Variants in MCF2L observed in about 807,000 individuals in gnomAD.
MCF2L encodes the protein guanine nucleotide exchange factor DBS.
Under a neutral mutation model 153.4 loss-of-function variants are expected in MCF2L, and 97 were observed. The ratio of observed to expected loss-of-function variants is 0.63; its 90% CI spans 0.54 to 0.75. The LOEUF is 0.75. Ranked by LOEUF, MCF2L falls within the 30% of genes least tolerant of loss-of-function variation. The pLI is 0.00. For missense variants in MCF2L, 1,347 were observed against 1,495.2 expected, an observed-to-expected ratio of 0.90 and a Z score of 1.64; for synonymous variants, 659 against 632.2, an observed-to-expected ratio of 1.04 and a Z score of -0.64.
At chr13:112,982,896 C>T (rs987150669) in intron 1 of MCF2L, among the ~76,000 whole-genome samples, 12 of 151,192 alleles carry the variant, frequency 7.9e-5, no homozygotes, top group Admixed American at 2.6e-4. Context: ...TGAGGGGCGC[C>T]GAGGTGTGGA....
chr13:113,004,300 C>A (rs927846898), intron 1 of MCF2L, among the ~76,000 whole-genome samples: 6 of 152,226 alleles, frequency 3.9e-5, no homozygotes, highest in Non-Finnish European at 7.3e-5. Flanking sequence ...TGTGCGGCCA[C>A]ACTTGGTGGT....
intron 1 of MCF2L, among the ~76,000 whole-genome samples, chr13:112,978,315 A>G (rs1436690168): frequency 1.3e-5 from 2 of 152,210 alleles, no homozygotes; most frequent in Non-Finnish European, 2.9e-5. Context: ...GCAAGCGTCC[A>G]GCTGCTTCAG....
rs1460056519 is a variant in MCF2L, at chr13:113,096,347, G to C, written c.3076-24G>C. The C allele has an allele frequency of 5.9e-6, 9 of 1,518,988 alleles. No individual in the cohort carries two copies. The Admixed American group carries it at 9.8e-5, about 16-fold the overall frequency. 94.1% of individuals were successfully genotyped at this position (1,518,988 alleles called of 1,614,324 possible). A position where few individuals can be genotyped will look rare whatever the true frequency, so the allele number is the denominator to read the frequency against. On this transcript the variant is annotated intron_variant, in intron 27 of 29. Coordinates refer to ENST00000535094, the MANE Select transcript of MCF2L (RefSeq NM_001112732.3). Reference sequence around the variant, plus strand: ...GCCGGGGCGGGTGCTGACGCTGTCTGTGCCCCTGCCCGTCTCCCACCAGGT... The same window carrying C: ...GCCGGGGCGGGTGCTGACGCTGTCTCTGCCCCTGCCCGTCTCCCACCAGGT...
chr13:113,064,470 T>G lies in MCF2L; in HGVS notation c.606+50T>G. The stretch of plus-strand genomic sequence containing the variant: ...GCTGGCTGATACCAGCTCGAGTACT[T>G]CCACAGAATCGCTCTTGCATTACAA... On this transcript the variant is annotated intron_variant, in intron 6 of 29. Transcript: ENST00000535094. The surrounding 1 kb of genome is among the most constrained non-coding windows in gnomAD (Gnocchi z 6.0). 8.7e-7 allele frequency: 1 copy of G among 1,153,454 alleles called. No homozygotes were observed. Among genetic ancestry groups the G allele is most frequent in the Non-Finnish European group, 1.3e-6 (1 of 769,568 alleles). The allele number at this position is 1,153,454 out of a possible 1,614,324, so 71.5% of individuals were successfully genotyped here.
At chr13:112,964,018 G>A (rs1266881311) in intron 2 of MCF2L, among the ~76,000 whole-genome samples, 1 of 152,040 alleles carries the variant, frequency 6.6e-6, no homozygotes, top group Non-Finnish European at 1.5e-5. Context: ...TGACACATTC[G>A]ATGTAACTGA....
Position 113,046,557 on chromosome 13 carries a change from C to T in MCF2L, c.369+1196C>T, listed in dbSNP as rs1393023025. The T allele has an allele frequency of 1.9e-6, 1 of 533,270 alleles. No homozygotes were observed. The highest frequency in any genetic ancestry group is 1.9e-5 in the African/African-American group (1 of 51,936). 33.0% of individuals were successfully genotyped at this position (533,270 alleles called of 1,614,324 possible). A position where few individuals can be genotyped will look rare whatever the true frequency, so the allele number is the denominator to read the frequency against. On this transcript the variant is annotated intron_variant, in intron 4 of 29. Coordinates refer to ENST00000535094, the MANE Select transcript of MCF2L (RefSeq NM_001112732.3). The surrounding 1 kb of genome is among the most constrained non-coding windows in gnomAD (Gnocchi z 4.4). ...TTGAGGTATACTGAAAAAAGTCATT[C>T]CTTTCCCCGCACATTGCCTCATTCC... is the stretch of plus-strand genomic sequence containing the variant.
chr13:113,007,433 G>A (rs1032414406), intron 1 of MCF2L, among the ~76,000 whole-genome samples: 9 of 152,216 alleles, frequency 5.9e-5, no homozygotes, highest in Non-Finnish European at 1.3e-4. Flanking sequence ...AGACCCCTGC[G>A]TTGTGGTTCT....
At chr13:113,067,201 C>G (rs2032511613) in intron 8 of MCF2L, among the ~76,000 whole-genome samples, 1 of 151,996 alleles carries the variant, frequency 6.6e-6, no homozygotes. Flanking sequence ...GCTGGAGTCC[C>G]AGCTACGCGG....
At chr13:112,999,304 G>A (rs1045680261) in intron 1 of MCF2L, among the ~76,000 whole-genome samples, 10 of 152,232 alleles carry the variant, frequency 6.6e-5, no homozygotes, top group Admixed American at 4.6e-4. Context: ...ACAAGACATC[G>A]GGGGCCAGGA....
chr13:112,916,542 C>T (rs2081294238), intron 2 of MCF2L, among the ~76,000 whole-genome samples: 1 of 152,184 alleles, frequency 6.6e-6, no homozygotes, highest in Admixed American at 6.5e-5. Context: ...ACGCCCTGAC[C>T]CCTCGGCTCC....
chr13:113,006,323 G>A (rs111887899), intron 1 of MCF2L, among the ~76,000 whole-genome samples: 33 of 152,334 alleles, frequency 2.2e-4, no homozygotes, highest in Admixed American at 4.6e-4. Flanking sequence ...TGAATTCCCC[G>A]TCTTTAAAAC....
chr13:113,002,866 C>A (rs555703589), intron 1 of MCF2L, among the ~76,000 whole-genome samples: 4 of 152,102 alleles, frequency 2.6e-5, no homozygotes, highest in Non-Finnish European at 5.9e-5. Flanking sequence ...TCTAAAGTTT[C>A]CAATTTTAAA....
At chr13:112,937,756 A>G (rs576240335) in intron 2 of MCF2L, among the ~76,000 whole-genome samples, 13 of 118,502 alleles carry the variant, frequency 1.1e-4, no homozygotes, top group African/African-American at 3.8e-4. Flanking sequence ...GTGCTGGTTC[A>G]GGTGAGCTCT....
rs1042447236 is a variant in MCF2L, at chr13:112,904,338, C to T, written c.169+1967C>T. ...ATGTCAGGGTCCACCGTGCACCAGC[C>T]GTGGAGCAGAGCCTGGGCCCACGCT... On this transcript the variant is annotated intron_variant, in intron 2 of 29. Coordinates refer to the MCF2L transcript ENST00000375608. This position sits in a 1 kb window ranked among gnomAD's most constrained non-coding sequence, Gnocchi z 4.2. 5.3e-5 allele frequency among the ~76,000 whole-genome samples: 8 copies of T among 152,120 alleles called. No homozygotes were observed. Among genetic ancestry groups the T allele is most frequent in the South Asian group, 4.1e-4 (2 of 4,830 alleles).
rs990013518 is a variant in MCF2L at position 113,098,171 on chromosome 13, G to A, written c.*1312G>A. On this transcript the variant is annotated 3_prime_UTR_variant, in exon 30 of 30. Coordinates refer to ENST00000535094, the MANE Select transcript of MCF2L (RefSeq NM_001112732.3). ...CCGCCTCACAGCCTCACGGTTCCCA[G>A]CCCCAGCACAGTGGAGGCAGGCGTG... 2 of 152,562 alleles carry A rather than the reference G, an allele frequency of 1.3e-5. No individual in the cohort carries two copies. The highest frequency in any genetic ancestry group is 4.8e-5 in the African/African-American group (2 of 41,464). The allele number at this position is 152,562 out of a possible 1,614,324, so 9.5% of individuals were successfully genotyped here. A position where few individuals can be genotyped will look rare whatever the true frequency, so the allele number is the denominator to read the frequency against.
At chr13:113,013,017 G>A (rs1477206836) in intron 1 of MCF2L, among the ~76,000 whole-genome samples, 2 of 152,212 alleles carry the variant, frequency 1.3e-5, no homozygotes, top group East Asian at 1.9e-4. Context: ...GTGCCCCCAC[G>A]GTCTGTGAGG....
chr13:113,039,811 A>T (rs532450571), intron 3 of MCF2L, among the ~76,000 whole-genome samples: 2 of 152,334 alleles, frequency 1.3e-5, no homozygotes, highest in Admixed American at 1.3e-4. Flanking sequence ...TGACAAAACC[A>T]TGGAGCAACC....
chr13:112,894,688 C>T (rs1038129689), intron 1 of MCF2L, among the ~76,000 whole-genome samples: 10 of 152,246 alleles, frequency 6.6e-5, no homozygotes, highest in African/African-American at 2.2e-4. Context: ...GTGGAGGAGA[C>T]CCCGCGAGTG....
Position 112,996,078 on chromosome 13 carries a change from C to G in MCF2L, c.80-18685C>G, listed in dbSNP as rs1249760700. 2.6e-5 allele frequency among the ~76,000 whole-genome samples: 4 copies of G among 152,306 alleles called. 1 individual carries two copies. The highest frequency in any genetic ancestry group is 6.8e-3 in the Middle Eastern group (2 of 294). ...CCCATTTAGAGACCTCCCCTTTTCC[C>G]GAAGCCACCAGACTCATGCAGTCTC... On this transcript the variant is annotated intron_variant, in intron 1 of 29. Coordinates refer to ENST00000535094, the MANE Select transcript of MCF2L (RefSeq NM_001112732.3).
Sources: allele counts gnomAD v4.1 joint callset (sites outside exome capture counted in the v4.1 genomes callset), GRCh38; gene constraint gnomAD v4.1.1; non-coding constraint Gnocchi (gnomAD v3.1); transcripts MANE v1.5; gene names NCBI Gene and HGNC (gene_info 2026-07-23, HGNC 2026-07-21).